Variants in CNTLN observed in about 807,000 individuals in gnomAD.
The protein encoded by CNTLN is centlein, centrosomal protein.
In CNTLN, 212 loss-of-function variants were observed where a neutral mutation model predicts 180.0. The observed-to-expected ratio is 1.18, with a 90% CI of 1.05 to 1.32. The LOEUF (loss-of-function observed/expected upper bound fraction) is 1.32. Among genes scored for constraint, CNTLN ranks in the 40% most tolerant of loss-of-function variants. The pLI, the probability that CNTLN is intolerant of heterozygous loss-of-function variation, is 0.00. For missense variants in CNTLN, 2,095 were observed against 1,610.9 expected (o/e 1.30, Z -5.14); for synonymous variants, 722 against 563.1 (o/e 1.28, Z -3.99).
chr9:17,272,612 A>G (rs1331783184), intron 5 of CNTLN, among the ~76,000 whole-genome samples: 1 of 152,084 alleles, frequency 6.6e-6, no homozygotes, highest in Admixed American at 6.6e-5. Flanking sequence ...AATCAGATTG[A>G]ATCTTGAGAT....
intron 13 of CNTLN, among the ~76,000 whole-genome samples, chr9:17,380,500 G>A (rs959315826): frequency 6.6e-6 from 1 of 152,182 alleles, no homozygotes; most frequent in Admixed American, 6.5e-5. Flanking sequence ...GTGTCCTTGA[G>A]TGTAACTCCC....
the CNTLN span, among the ~76,000 whole-genome samples, chr9:17,521,260 A>C: frequency 8.2e-6 from 1 of 121,754 alleles, no homozygotes; most frequent in Non-Finnish European, 1.7e-5. Flanking sequence ...AGAGAAAGGG[A>C]GAAAAAGAGA....
intron 12 of CNTLN, among the ~76,000 whole-genome samples, chr9:17,360,472 G>A (rs74737777): frequency 7.9e-5 from 12 of 152,122 alleles, no homozygotes; most frequent in Admixed American, 2.6e-4. Flanking sequence ...AGACAGGCTA[G>A]GGTGATCAGA....
At chr9:17,412,344 T>A (rs1418728331) in intron 16 of CNTLN, among the ~76,000 whole-genome samples, 1 of 152,172 alleles carries the variant, frequency 6.6e-6, no homozygotes, top group African/African-American at 2.4e-5. Context: ...CAGGATACAA[T>A]TGAAAATCAC....
At chr9:17,290,759 G>A (rs1829331365) in intron 6 of CNTLN, among the ~76,000 whole-genome samples, 2 of 151,794 alleles carry the variant, frequency 1.3e-5, no homozygotes, top group South Asian at 2.1e-4. Flanking sequence ...TCGGGTGGGA[G>A]TGACCCGATT....
intron 8 of CNTLN, among the ~76,000 whole-genome samples, chr9:17,320,624 TC>T (rs1819843641): frequency 6.6e-6 from 1 of 152,178 alleles, no homozygotes; most frequent in East Asian, 1.9e-4. Context: ...TGCCTCAGCC[TC>T]CCAGGTAGCT....
intron 5 of CNTLN, among the ~76,000 whole-genome samples, chr9:17,259,209 C>A (rs568270265): frequency 6.7e-6 from 1 of 149,706 alleles, no homozygotes; most frequent in Admixed American, 6.6e-5. Context: ...GTACAAAGGC[C>A]TTTTCTGCAT....
intron 5 of CNTLN, among the ~76,000 whole-genome samples, chr9:17,261,869 A>G (rs1827009869): frequency 1.3e-5 from 2 of 151,622 alleles, no homozygotes; most frequent in South Asian, 4.1e-4. Context: ...AAGGAACTTA[A>G]ACAAATTTAC....
chr9:17,441,126 A>G (rs1317257249), intron 18 of CNTLN, among the ~76,000 whole-genome samples: 1 of 152,244 alleles, frequency 6.6e-6, no homozygotes, highest in African/African-American at 2.4e-5. Context: ...AACTGTCTTC[A>G]AAAATGAAAG....
intron 6 of CNTLN, among the ~76,000 whole-genome samples, chr9:17,283,421 T>C (rs1015961647): frequency 6.6e-6 from 1 of 152,132 alleles, no homozygotes; most frequent in Non-Finnish European, 1.5e-5. Context: ...TGTATGGGAA[T>C]GCTTGTGATT....
At chr9:17,421,006 T>C (rs1163434267) in intron 18 of CNTLN, among the ~76,000 whole-genome samples, 1 of 152,172 alleles carries the variant, frequency 6.6e-6, no homozygotes, top group Non-Finnish European at 1.5e-5. Context: ...GACTCATCCA[T>C]ATGCTAAGGA....
At chr9:17,447,849 A>G (rs769890629) in intron 18 of CNTLN, 2 of 153,072 alleles carry the variant, frequency 1.3e-5, no homozygotes, top group Non-Finnish European at 2.9e-5. Context: ...AGGTCTCGCC[A>G]CATGCCTTTC....
intron 5 of CNTLN, among the ~76,000 whole-genome samples, chr9:17,244,467 C>T (rs1186571776): frequency 6.6e-6 from 1 of 152,134 alleles, no homozygotes; most frequent in Non-Finnish European, 1.5e-5. Context: ...ACCCTCCTGC[C>T]TCTGCCTTCC....
At chr9:17,495,236 A>G (rs1054458596) in intron 25 of CNTLN, among the ~76,000 whole-genome samples, 1 of 152,062 alleles carries the variant, frequency 6.6e-6, no homozygotes. Context: ...TTATTAAAAA[A>G]AAAAACTTAA....
At chr9:17,422,921 A>G (rs1412023895) in intron 18 of CNTLN, among the ~76,000 whole-genome samples, 1 of 152,178 alleles carries the variant, frequency 6.6e-6, no homozygotes, top group East Asian at 1.9e-4. Context: ...CACTGAAGCC[A>G]CAAATCCGCT....
chr9:17,306,823 A>T lies in CNTLN; in HGVS notation c.1147-2235A>T, dbSNP rs146132509. Among the ~76,000 whole-genome samples, 756 of 152,336 alleles carry T rather than the reference A, an allele frequency of 5.0e-3. 4 individuals are homozygous for T. The highest frequency in any genetic ancestry group is 0.017 in the African/African-American group (703 of 41,572). ...TGATTGGGTAAATATTGGTTAGTGTAAATAATGCACCCGAGATTAGAAAGT... is the reference window on the plus strand; with the variant it reads ...TGATTGGGTAAATATTGGTTAGTGTTAATAATGCACCCGAGATTAGAAAGT... On this transcript the variant is annotated intron_variant, in intron 7 of 25. Transcript: ENST00000380647.
chr9:17,439,626 CATTTT>C (rs2134031544), intron 18 of CNTLN, among the ~76,000 whole-genome samples: 1 of 152,284 alleles, frequency 6.6e-6, no homozygotes, highest in African/African-American at 2.4e-5. Context: ...CAGAGCTAAA[CATTTT>C]ATTTAAGAAT....
intron 18 of CNTLN, among the ~76,000 whole-genome samples, chr9:17,432,719 T>C (rs142820039): frequency 2.0e-5 from 3 of 152,214 alleles, no homozygotes; most frequent in African/African-American, 4.8e-5. Flanking sequence ...TGTTAAAATA[T>C]TTCTTAAAAT....
chr9:17,139,390 A>G (rs1375035870), intron 1 of CNTLN, among the ~76,000 whole-genome samples: 5 of 151,832 alleles, frequency 3.3e-5, no homozygotes, highest in African/African-American at 9.7e-5. Flanking sequence ...CTGGCCTGAG[A>G]ATAAAGAATT....
Sources: allele counts gnomAD v4.1 joint callset (sites outside exome capture counted in the v4.1 genomes callset), GRCh38; gene constraint gnomAD v4.1.1; transcripts MANE v1.5; gene names NCBI Gene and HGNC (gene_info 2026-07-23, HGNC 2026-07-21).